Variants in DNAH6 observed in about 807,000 individuals in gnomAD.
DNAH6 encodes the protein dynein axonemal heavy chain 6.
DNAH6 carries 340 observed loss-of-function variants against 491.4 expected under a neutral mutation model. The observed-to-expected ratio is 0.69, with a 90% CI of 0.63 to 0.76. The LOEUF is 0.76. Among genes scored for constraint, DNAH6 ranks in the 30% least tolerant of loss-of-function variants. DNAH6 has a pLI of 0.00. For missense variants in DNAH6, 4,443 were observed against 4,972.2 expected (o/e 0.89, Z 3.20); for synonymous variants, 1,603 against 1,686.1 (o/e 0.95, Z 1.21).
chr2:84,695,186 T>C (rs1207968023), intron 46 of DNAH6, among the ~76,000 whole-genome samples: 3 of 152,048 alleles, frequency 2.0e-5, no homozygotes, highest in African/African-American at 7.2e-5. Flanking sequence ...AGCACATCTA[T>C]AGAAGAAATA....
chr2:84,464,479 G>A, the DNAH6 span, among the ~76,000 whole-genome samples: 1 of 152,174 alleles, frequency 6.6e-6, no homozygotes, highest in African/African-American at 2.4e-5. Context: ...AGAATTCAGG[G>A]CAAGTCCACA....
chr2:84,475,056 T>C, the DNAH6 span, among the ~76,000 whole-genome samples: 2 of 152,220 alleles, frequency 1.3e-5, no homozygotes, highest in Non-Finnish European at 2.9e-5. Context: ...GAGGAACTAA[T>C]AACTTATTGA....
At chr2:84,656,889 G>C (rs1247361372) in intron 35 of DNAH6, among the ~76,000 whole-genome samples, 1 of 151,830 alleles carries the variant, frequency 6.6e-6, no homozygotes, top group South Asian at 2.1e-4. Context: ...GGTGCCTTTG[G>C]TGTCATACCT....
At chr2:84,694,508 G>C in intron 46 of DNAH6, 28 bp downstream of exon 46, 2 of 1,498,620 alleles carry the variant, frequency 1.3e-6, no homozygotes, top group Non-Finnish European at 1.8e-6. Flanking sequence ...CCATGGGTGA[G>C]AACAGGAAAT....
At chr2:84,723,738 C>T (rs901194238) in intron 60 of DNAH6, among the ~76,000 whole-genome samples, 1 of 152,224 alleles carries the variant, frequency 6.6e-6, no homozygotes, top group African/African-American at 2.4e-5. Flanking sequence ...CTATGAGACT[C>T]TCTTGTTTTA....
intron 45 of DNAH6, among the ~76,000 whole-genome samples, chr2:84,693,185 G>A (rs752549939): frequency 2.6e-5 from 4 of 151,886 alleles, no homozygotes; most frequent in Non-Finnish European, 4.4e-5. Flanking sequence ...TTGTTTCTCC[G>A]AGATTTGCCC....
chr2:84,498,996 C>G, the DNAH6 span, among the ~76,000 whole-genome samples: 1 of 151,928 alleles, frequency 6.6e-6, no homozygotes, highest in Non-Finnish European at 1.5e-5. Flanking sequence ...TGGGAATAAG[C>G]ACTTCATGGA....
At chr2:84,761,101 A>G (rs535415096) in intron 63 of DNAH6, among the ~76,000 whole-genome samples, 128 of 152,350 alleles carry the variant, frequency 8.4e-4, no homozygotes, top group Non-Finnish European at 1.2e-3. Flanking sequence ...GATAAAGAAA[A>G]TGTCATATAT....
intron 62 of DNAH6, among the ~76,000 whole-genome samples, chr2:84,742,593 T>C (rs1672629705): frequency 6.6e-6 from 1 of 152,120 alleles, no homozygotes; most frequent in African/African-American, 2.4e-5. Flanking sequence ...GTTAAGAAAC[T>C]CTGATCTGTT....
intron 23 of DNAH6, among the ~76,000 whole-genome samples, chr2:84,617,506 T>C (rs1458704640): frequency 6.6e-6 from 1 of 152,104 alleles, no homozygotes; most frequent in Admixed American, 6.6e-5. Context: ...TTCCTATTTT[T>C]TGTACCCATT....
At chr2:84,702,633 C>G (rs1197722632) in intron 49 of DNAH6, among the ~76,000 whole-genome samples, 1 of 151,396 alleles carries the variant, frequency 6.6e-6, no homozygotes, top group African/African-American at 2.4e-5. Flanking sequence ...ACCTCCGCCT[C>G]CCAGGTTCGT....
In DNAH6 at chr2:84,793,994, A is replaced by G. The variant is rs1236670842; in HGVS notation, c.11240-2312A>G. Among the ~76,000 whole-genome samples the G allele has an allele frequency of 1.3e-5, 2 of 152,230 alleles. 1 individual carries two copies. The highest frequency in any genetic ancestry group is 2.9e-5 in the Non-Finnish European group (2 of 68,028). On this transcript the variant is annotated intron_variant, in intron 68 of 76. Transcript: ENST00000389394. ...CAAAACAGAGATATAGATCAATGGA[A>G]CAGAACAGAGCCCTCAGAAATAATG...
rs138062403 is a variant in DNAH6, at chr2:84,575,934, T to C, written c.1925-1323T>C. Among the ~76,000 whole-genome samples the C allele has an allele frequency of 4.3e-4, 65 of 152,348 alleles. No individual in the cohort carries two copies. In the East Asian group the frequency reaches 0.012, roughly 27 times the overall value. ...TTTCTCAACTATCGGCTTTAATCTT[T>C]TATTCCTTTTTGGCTATGTGGCCAT... On this transcript the variant is annotated intron_variant, in intron 12 of 76. Transcript: ENST00000389394.
intron 72 of DNAH6, among the ~76,000 whole-genome samples, chr2:84,808,899 C>T (rs554686398): frequency 6.6e-6 from 1 of 152,106 alleles, no homozygotes; most frequent in Admixed American, 6.5e-5. Context: ...AGTCTTTAAG[C>T]GAGACTGTGA....
intron 69 of DNAH6, 52 bp downstream of exon 69, chr2:84,796,477 C>T: frequency 7.1e-7 from 1 of 1,412,654 alleles, no homozygotes; most frequent in Non-Finnish European, 9.4e-7. Flanking sequence ...AAGATGTTGA[C>T]AGCATCTCTC....
chr2:84,762,721 T>C lies in DNAH6; in HGVS notation c.10513-34T>C, dbSNP rs1160051536. Reference sequence around the variant, plus strand: ...AGGATAAAATTATGAAGGATCCTCATTCAACATACTTTTTTTTTCTTTTCA... The same window carrying C: ...AGGATAAAATTATGAAGGATCCTCACTCAACATACTTTTTTTTTCTTTTCA... On this transcript the variant is annotated intron_variant, in intron 63 of 76. Coordinates refer to ENST00000389394, the MANE Select transcript of DNAH6 (RefSeq NM_001370.2). 6.1e-6 allele frequency: 9 copies of C among 1,465,410 alleles called. No homozygotes were observed. In the African/African-American group the frequency reaches 8.5e-5, roughly 14 times the overall value. The allele number at this position is 1,465,410 out of a possible 1,614,324, so 90.8% of individuals were successfully genotyped here.
At chr2:84,609,795 G>T (rs183155368) in intron 21 of DNAH6, among the ~76,000 whole-genome samples, 3 of 152,110 alleles carry the variant, frequency 2.0e-5, no homozygotes, top group Non-Finnish European at 4.4e-5. Flanking sequence ...TGGAAAAATG[G>T]CATGAATTAA....
chr2:84,738,959 T>A (rs1281073726), intron 62 of DNAH6, among the ~76,000 whole-genome samples: 1 of 152,212 alleles, frequency 6.6e-6, no homozygotes, highest in Non-Finnish European at 1.5e-5. Context: ...TGTGCTTTCA[T>A]GGTAACAAGC....
At chr2:84,508,541 G>A in the DNAH6 span, among the ~76,000 whole-genome samples, 1 of 152,076 alleles carries the variant, frequency 6.6e-6, no homozygotes, top group African/African-American at 2.4e-5. Flanking sequence ...TTGATTTTTT[G>A]AAGGGTTTTT....
Sources: gnomAD v4.1 joint callset for allele counts (sites outside exome capture counted in the v4.1 genomes callset) on GRCh38, gnomAD v4.1.1 for gene constraint, MANE v1.5 for transcripts, NCBI Gene and HGNC (gene_info 2026-07-23, HGNC 2026-07-21) for gene names.